DIAPH2: variants seen among roughly 807,000 people sequenced by gnomAD.
The protein encoded by DIAPH2 is diaphanous related formin 2.
A neutral mutation model predicts 92.7 loss-of-function variants in DIAPH2; 35 were observed. The ratio of observed to expected loss-of-function variants is 0.38; its 90% CI spans 0.29 to 0.50. The LOEUF is 0.50. Among genes scored for constraint, DIAPH2 ranks in the 20% least tolerant of loss-of-function variants. The pLI is 0.94. For synonymous variants in DIAPH2, 301 were observed against 280.4 expected, an observed-to-expected ratio of 1.07 and a Z score of -0.73; for missense variants, 701 against 819.5, an observed-to-expected ratio of 0.86 and a Z score of 1.77.
intron 25 of DIAPH2, among the ~76,000 whole-genome samples, chrX:97,409,891 C>T (rs1053802558): frequency 8.9e-6 from 1 of 112,624 alleles, no homozygotes; most frequent in African/African-American, 3.2e-5. Flanking sequence ...GGGCGGAGCC[C>T]ACCTCAGCTC....
chrX:97,000,813 A>T (rs781305890), intron 17 of DIAPH2, among the ~76,000 whole-genome samples: 1 of 111,849 alleles, frequency 8.9e-6, no homozygotes, highest in South Asian at 3.7e-4. Context: ...TTCAATGTTC[A>T]GTGTGTTTGA....
At chrX:97,184,519 T>A (rs1458662746) in intron 22 of DIAPH2, among the ~76,000 whole-genome samples, 1 of 111,563 alleles carries the variant, frequency 9.0e-6, no homozygotes, top group East Asian at 2.8e-4. Flanking sequence ...GCAGATTTTG[T>A]CCCTTAGCTC....
chrX:96,797,213 G>A (rs1380520431), intron 4 of DIAPH2, among the ~76,000 whole-genome samples: 1 of 110,670 alleles, frequency 9.0e-6, no homozygotes, highest in East Asian at 2.8e-4. Context: ...AGGTGCAGTG[G>A]CTCACGCCTG....
chrX:97,587,870 G>C (rs954641155), intron 26 of DIAPH2, among the ~76,000 whole-genome samples: 2 of 111,721 alleles, frequency 1.8e-5, no homozygotes, highest in African/African-American at 6.5e-5. Flanking sequence ...CCTGTTAGGT[G>C]GGTCTTTAAT....
chrX:97,494,506 C>T (rs1031232776), intron 26 of DIAPH2, among the ~76,000 whole-genome samples: 7 of 111,344 alleles, frequency 6.3e-5, no homozygotes, highest in East Asian at 2.8e-4. Flanking sequence ...TTGTGTATTA[C>T]GATTTAATTT....
chrX:96,764,496 C>T (rs930512145), intron 4 of DIAPH2, among the ~76,000 whole-genome samples: 1 of 111,260 alleles, frequency 9.0e-6, no homozygotes, highest in Non-Finnish European at 1.9e-5. Context: ...GAAGTCCAGG[C>T]GGCAAATTAT....
chrX:96,791,033 G>A (rs769886069), intron 4 of DIAPH2, among the ~76,000 whole-genome samples: 3 of 111,674 alleles, frequency 2.7e-5, no homozygotes, highest in Non-Finnish European at 5.6e-5. Context: ...TATCTTTGAC[G>A]TACACAGCAC....
chrX:96,857,911 A>G (rs982556428), intron 4 of DIAPH2, among the ~76,000 whole-genome samples: 2 of 112,346 alleles, frequency 1.8e-5, no homozygotes, highest in African/African-American at 6.5e-5. Flanking sequence ...AGGTACACCT[A>G]TTTTCTGAAA....
intron 5 of DIAPH2, chrX:96,884,980 C>T (rs1384744713): frequency 3.3e-6 from 4 of 1,210,759 alleles, no homozygotes; most frequent in Admixed American, 2.2e-5. Context: ...CCATGAGCTC[C>T]GGGCTCAGCT....
chrX:96,971,416 C>CTG (rs972440687), intron 17 of DIAPH2, among the ~76,000 whole-genome samples: 2 of 110,099 alleles, frequency 1.8e-5, no homozygotes, highest in South Asian at 3.8e-4. Context: ...ACTTGATGCT[C>CTG]TGTGTGTGTG....
At chrX:97,217,340 C>T (rs1310770087) in intron 22 of DIAPH2, among the ~76,000 whole-genome samples, 3 of 111,483 alleles carry the variant, frequency 2.7e-5, no homozygotes, top group African/African-American at 3.3e-5. Flanking sequence ...TACTTAATTC[C>T]GTTGGTCCCC....
intron 26 of DIAPH2, among the ~76,000 whole-genome samples, chrX:97,514,452 TG>T (rs1414276389): frequency 8.8e-6 from 1 of 113,341 alleles, no homozygotes; most frequent in Non-Finnish European, 1.9e-5. Flanking sequence ...GCCTTTGGTT[TG>T]AATATCCTCC....
intron 1 of DIAPH2, among the ~76,000 whole-genome samples, chrX:96,711,088 C>T (rs1312680208): frequency 8.9e-6 from 1 of 112,238 alleles, no homozygotes; most frequent in Non-Finnish European, 1.9e-5. Flanking sequence ...CACTTGCTGG[C>T]TGATGGGCAT....
intron 4 of DIAPH2, among the ~76,000 whole-genome samples, chrX:96,864,198 C>T (rs1022034184): frequency 6.3e-5 from 7 of 110,977 alleles, no homozygotes; most frequent in South Asian, 3.8e-4. Flanking sequence ...TAACTTAGAA[C>T]GTGAAGTCCT....
intron 17 of DIAPH2, among the ~76,000 whole-genome samples, chrX:97,032,726 A>G (rs1185746539): frequency 9.0e-6 from 1 of 111,673 alleles, no homozygotes; most frequent in African/African-American, 3.2e-5. Flanking sequence ...CTCAATTACA[A>G]AAGAACTTGC....
chrX:97,267,377 C>T (rs2068346349), intron 23 of DIAPH2, among the ~76,000 whole-genome samples: 1 of 111,753 alleles, frequency 8.9e-6, no homozygotes, highest in African/African-American at 3.3e-5. Flanking sequence ...TAAAATGTGT[C>T]TTTTTCTTTT....
intron 26 of DIAPH2, among the ~76,000 whole-genome samples, chrX:97,448,446 C>CA (rs2070330897): frequency 9.0e-6 from 1 of 111,654 alleles, no homozygotes; most frequent in African/African-American, 3.2e-5. Flanking sequence ...AAACAGAACT[C>CA]ACATGAGTAA....
intron 4 of DIAPH2, among the ~76,000 whole-genome samples, chrX:96,779,752 A>T (rs1004010051): frequency 2.7e-5 from 3 of 112,151 alleles, no homozygotes; most frequent in Non-Finnish European, 3.8e-5. Flanking sequence ...CAAAAAAATT[A>T]TGGTGTTTAC....
chrX:97,260,473 C>G (rs941257525), intron 23 of DIAPH2, among the ~76,000 whole-genome samples: 4 of 111,919 alleles, frequency 3.6e-5, no homozygotes, highest in African/African-American at 1.3e-4. Context: ...GAAGAGGAAT[C>G]TTTACCTCAG....
Sources: gnomAD v4.1 joint callset for allele counts (sites outside exome capture counted in the v4.1 genomes callset) on GRCh38, gnomAD v4.1.1 for gene constraint, MANE v1.5 for transcripts, NCBI Gene and HGNC (gene_info 2026-07-23, HGNC 2026-07-21) for gene names.